CYYR1: variants seen among roughly 807,000 people sequenced by gnomAD.
CYYR1 encodes the protein cysteine and tyrosine-rich protein 1.
A neutral mutation model predicts 15.2 loss-of-function variants in CYYR1; 14 were observed. That is an observed-to-expected ratio of 0.92 (90% CI 0.61 to 1.44). The LOEUF (loss-of-function observed/expected upper bound fraction) is 1.44. CYYR1 is among the 40% of genes most tolerant of loss of function. CYYR1 has a pLI of 0.00. For missense variants in CYYR1, 228 were observed against 209.5 expected, an observed-to-expected ratio of 1.09 and a Z score of -0.54; for synonymous variants, 80 against 77.4, an observed-to-expected ratio of 1.03 and a Z score of -0.18.
intron 3 of CYYR1, 56 bp from the exon 4 acceptor site, chr21:26,468,690 T>C: frequency 7.3e-7 from 1 of 1,362,572 alleles, no homozygotes; most frequent in Admixed American, 2.0e-5. Flanking sequence ...GCATTTCTAC[T>C]GTGTTGAAGC....
intron 2 of CYYR1, among the ~76,000 whole-genome samples, chr21:26,536,220 C>G (rs1314690145): frequency 6.6e-6 from 1 of 152,076 alleles, no homozygotes; most frequent in Non-Finnish European, 1.5e-5. Flanking sequence ...CCACCAGGCC[C>G]CTTCCCTGAC....
chr21:26,542,288 TGC>T (rs34256480), intron 2 of CYYR1, among the ~76,000 whole-genome samples: 17,994 of 107,708 alleles, frequency 0.17, 1,317 homozygotes, highest in African/African-American at 0.27. Flanking sequence ...TGTGTGTGTG[TGC>T]GTGTGTGTGT....
At chr21:26,478,154 C>A in intron 3 of CYYR1, 2 of 1,548,414 alleles carry the variant, frequency 1.3e-6, no homozygotes, top group Middle Eastern at 1.7e-4. Context: ...AGGAAATGAA[C>A]AATAAACAAT....
Position 26,564,813 on chromosome 21 carries a change from G to C in CYYR1, c.176+1453C>G, listed in dbSNP as rs947661749. 1.4e-5 allele frequency: 17 copies of C among 1,246,264 alleles called. No individual in the cohort carries two copies. The Admixed American group carries it at 2.1e-4, about 15-fold the overall frequency. 77.2% of individuals were successfully genotyped at this position (1,246,264 alleles called of 1,614,324 possible). ...CCAAGTTATACTCGCACCTCTACCT[G>C]GGACAGCAGCATCTGGTATGTGGAG... is the stretch of plus-strand genomic sequence containing the variant. On this transcript the variant is annotated intron_variant, in intron 2 of 3. Coordinates refer to ENST00000652641, the MANE Select transcript of CYYR1 (RefSeq NM_001320768.2).
chr21:26,549,117 G>A (rs1158592714), intron 2 of CYYR1, among the ~76,000 whole-genome samples: 2 of 152,074 alleles, frequency 1.3e-5, no homozygotes, highest in Non-Finnish European at 2.9e-5. Flanking sequence ...AACACATAGG[G>A]GTTAGTCTTC....
chr21:26,499,174 G>C (rs376704011), intron 2 of CYYR1, among the ~76,000 whole-genome samples: 2 of 152,362 alleles, frequency 1.3e-5, no homozygotes, highest in East Asian at 3.9e-4. Flanking sequence ...TTTGGAAAGG[G>C]TCTTTGCAGG....
chr21:26,536,279 AATCAT>A, intron 2 of CYYR1, among the ~76,000 whole-genome samples: 1 of 152,336 alleles, frequency 6.6e-6, no homozygotes, highest in Middle Eastern at 3.4e-3. Flanking sequence ...CACAGAGCAA[AATCAT>A]ATCAAGAGAG....
At chr21:26,528,251 G>A (rs2065889753) in intron 2 of CYYR1, among the ~76,000 whole-genome samples, 1 of 152,044 alleles carries the variant, frequency 6.6e-6, no homozygotes, top group Admixed American at 6.6e-5. Flanking sequence ...CCAGAAATTT[G>A]TTAATGCAAC....
At chr21:26,501,337 A>G (rs2065479711) in intron 2 of CYYR1, among the ~76,000 whole-genome samples, 1 of 152,236 alleles carries the variant, frequency 6.6e-6, no homozygotes, top group South Asian at 2.1e-4. Flanking sequence ...CTTCGTCTAA[A>G]TAAATAAACA....
At chr21:26,507,529 A>G (rs951189488) in intron 2 of CYYR1, among the ~76,000 whole-genome samples, 36 of 152,162 alleles carry the variant, frequency 2.4e-4, no homozygotes, top group African/African-American at 7.5e-4. Flanking sequence ...ATTTTTCTCA[A>G]TGGATTTCTC....
At chr21:26,551,330 A>G (rs1181374835) in intron 2 of CYYR1, 1 of 152,722 alleles carries the variant, frequency 6.5e-6, no homozygotes, top group Non-Finnish European at 1.5e-5. Context: ...TCCATGGATC[A>G]CAGAGTAATT....
Position 26,562,620 on chromosome 21 carries a change from C to G in CYYR1, c.176+3646G>C, listed in dbSNP as rs185369298. 4.7e-4 allele frequency among the ~76,000 whole-genome samples: 71 copies of G among 152,160 alleles called. 1 individual carries two copies. The highest frequency in any genetic ancestry group is 7.8e-4 in the Non-Finnish European group (53 of 67,990). The stretch of plus-strand genomic sequence containing the variant: ...TTTGACTTTGTATGCTAGAGTCTGT[C>G]TTAAAACCATGTCCCTTTCTTCACT... On this transcript the variant is annotated intron_variant, in intron 2 of 3. Transcript: ENST00000652641.
intron 2 of CYYR1, among the ~76,000 whole-genome samples, chr21:26,553,159 A>C (rs1979516162): frequency 6.6e-6 from 1 of 152,168 alleles, no homozygotes; most frequent in African/African-American, 2.4e-5. Flanking sequence ...GGCACTTAAA[A>C]AATATGCCAC....
intron 2 of CYYR1, among the ~76,000 whole-genome samples, chr21:26,543,276 C>A (rs1189552730): frequency 2.0e-5 from 3 of 152,092 alleles, no homozygotes; most frequent in African/African-American, 7.2e-5. Context: ...GTGCAGCAAA[C>A]CACCATGGCA....
rs565570764 is a variant in CYYR1 at position 26,570,470 on chromosome 21, G to A, written c.73+2398C>T. On this transcript the variant is annotated intron_variant, in intron 1 of 3. Coordinates refer to ENST00000652641, the MANE Select transcript of CYYR1 (RefSeq NM_001320768.2). ...AGAAGTTACTGGCTGAGGCCCGGAA[G>A]GTAAAACCTTGACCGAATCCTGTCT... 9.8e-5 allele frequency among the ~76,000 whole-genome samples: 15 copies of A among 152,320 alleles called. No individual in the cohort carries two copies. The South Asian group carries it at 1.2e-3, about 13-fold the overall frequency.
rs577339239 is a variant in CYYR1, at chr21:26,496,772, G to A, written c.177-16343C>T. Reference sequence around the variant, plus strand: ...GACCCGGATAAATAGAATATTTATTGATATTTATCCAATACTTATAGAATA... The same window carrying A: ...GACCCGGATAAATAGAATATTTATTAATATTTATCCAATACTTATAGAATA... On this transcript the variant is annotated intron_variant, in intron 2 of 3. Transcript: ENST00000652641. Among the ~76,000 whole-genome samples the A allele has an allele frequency of 2.0e-5, 3 of 152,140 alleles. No individual in the cohort carries two copies. In the South Asian group the frequency reaches 6.2e-4, roughly 32 times the overall value.
intron 2 of CYYR1, among the ~76,000 whole-genome samples, chr21:26,563,276 T>TA (rs113006722): frequency 1.0e-3 from 144 of 144,630 alleles, no homozygotes; most frequent in East Asian, 8.0e-3. Flanking sequence ...AGAAAGAATC[T>TA]AAAAAAAAAA....
At chr21:26,502,302 CTT>C (rs33974862) in intron 2 of CYYR1, among the ~76,000 whole-genome samples, 39,691 of 139,228 alleles carry the variant, frequency 0.29, 5,570 homozygotes, top group Non-Finnish European at 0.33. Context: ...TTGAGAACTG[CTT>C]TTTTTTTTTT....
At chr21:26,550,769 T>C (rs1038068589) in intron 2 of CYYR1, 1 of 152,154 alleles carries the variant, frequency 6.6e-6, no homozygotes, top group Non-Finnish European at 1.5e-5. Flanking sequence ...GAAAAAGCCA[T>C]CTCCACAAAT....
Sources: allele counts gnomAD v4.1 joint callset (sites outside exome capture counted in the v4.1 genomes callset), GRCh38; gene constraint gnomAD v4.1.1; transcripts MANE v1.5; gene names NCBI Gene and HGNC (gene_info 2026-07-23, HGNC 2026-07-21).